KALRN: variants seen among roughly 807,000 people sequenced by gnomAD.
KALRN encodes kalirin RhoGEF kinase, also known as kalirin.
Under a neutral mutation model 353.7 loss-of-function variants are expected in KALRN, and 70 were observed. That is an observed-to-expected ratio of 0.20 (90% CI 0.16 to 0.24). The LOEUF (loss-of-function observed/expected upper bound fraction) is 0.24, where lower values mean the gene tolerates loss of function less well. KALRN is among the 10% of genes least tolerant of loss of function. The probability of loss-of-function intolerance (pLI) is 1.00; values close to 1 mark genes in which losing one functional copy is unlikely to be tolerated. For synonymous variants in KALRN, 1,391 were observed against 1,434.8 expected (o/e 0.97, Z 0.69); for missense variants, 2,791 against 3,756.7 (o/e 0.74, Z 6.72).
intron 1 of KALRN, among the ~76,000 whole-genome samples, chr3:124,226,758 T>C (rs550729384): frequency 6.6e-6 from 1 of 152,286 alleles, no homozygotes; most frequent in African/African-American, 2.4e-5. Context: ...GTTTAGAGAT[T>C]GAAGGATTGA....
At chr3:124,619,683 C>T (rs1387706151) in intron 34 of KALRN, among the ~76,000 whole-genome samples, 1 of 151,950 alleles carries the variant, frequency 6.6e-6, no homozygotes, top group Non-Finnish European at 1.5e-5. Flanking sequence ...GACAGGGTCT[C>T]ACCATGTTGT....
intron 7 of KALRN, among the ~76,000 whole-genome samples, chr3:124,327,033 T>TGGA (rs2079987131): frequency 6.6e-6 from 1 of 152,198 alleles, no homozygotes; most frequent in Non-Finnish European, 1.5e-5. Context: ...CCCAACTCCA[T>TGGA]GTTGGTGATG....
rs61386321 is a variant in KALRN, at chr3:124,455,455, C to G, written c.3735+96C>G. 3,245 of 1,269,934 alleles carry G rather than the reference C, an allele frequency of 2.6e-3. 63 individuals carry two copies. The African/African-American group carries it at 0.038, about 15-fold the overall frequency. 78.7% of individuals were successfully genotyped at this position (1,269,934 alleles called of 1,614,324 possible). ...ATGGAAGAAAAGCATGTTTCCAGAGCAGTTCTTCTGAGCTATTGACTCCTA... is the reference window on the plus strand; with the variant it reads ...ATGGAAGAAAAGCATGTTTCCAGAGGAGTTCTTCTGAGCTATTGACTCCTA... On this transcript the variant is annotated intron_variant, in intron 22 of 59. Transcript: ENST00000682506.
At chr3:124,214,691 G>A (rs1047682590) in intron 1 of KALRN, among the ~76,000 whole-genome samples, 31 of 152,192 alleles carry the variant, frequency 2.0e-4, no homozygotes, top group African/African-American at 7.5e-4. Context: ...TATTCTACAT[G>A]TAGCAAGCAG....
At chr3:124,239,455 T>C (rs980057450) in intron 3 of KALRN, among the ~76,000 whole-genome samples, 1 of 152,200 alleles carries the variant, frequency 6.6e-6, no homozygotes, top group Non-Finnish European at 1.5e-5. Flanking sequence ...TGACACTTAA[T>C]CTGCTCTTAG....
In KALRN at chr3:124,674,601, G is replaced by C; in HGVS notation, c.7180G>C (p.Asp2394His). The C allele has an allele frequency of 6.3e-7, 1 of 1,592,886 alleles. No homozygotes were observed. The highest frequency in any genetic ancestry group is 8.6e-7 in the Non-Finnish European group (1 of 1,166,636). The change falls in exon 49 of 60, where the codon GAC (aspartate) becomes CAC (histidine). Residue 2394 changes from aspartate to histidine, a missense_variant. Coordinates refer to ENST00000682506, the MANE Select transcript of KALRN (RefSeq NM_001388419.1). ...LTKATAAESS[D>H]GSIKKSCSWH... Reference sequence around the variant, plus strand: ...CAAAGCCACAGCAGCAGAAAGTAGTGACGGGAGCATCAAGTAAGTGCCTCG... The same window carrying C: ...CAAAGCCACAGCAGCAGAAAGTAGTCACGGGAGCATCAAGTAAGTGCCTCG...
intron 11 of KALRN, among the ~76,000 whole-genome samples, chr3:124,393,244 G>T (rs1331334657): frequency 6.6e-6 from 1 of 152,158 alleles, no homozygotes; most frequent in Non-Finnish European, 1.5e-5. Context: ...GGGATTGCAG[G>T]TGTGAACCAC....
chr3:124,636,055 C>T (rs1046641221), intron 36 of KALRN, among the ~76,000 whole-genome samples: 1 of 152,124 alleles, frequency 6.6e-6, no homozygotes, highest in African/African-American at 2.4e-5. Flanking sequence ...TGGACGTAAG[C>T]TTTTTCCTGC....
intron 34 of KALRN, among the ~76,000 whole-genome samples, chr3:124,590,205 A>C (rs1371799444): frequency 6.6e-6 from 1 of 152,182 alleles, no homozygotes; most frequent in Non-Finnish European, 1.5e-5. Flanking sequence ...AGTATCAATT[A>C]GTATCTGGAT....
intron 34 of KALRN, among the ~76,000 whole-genome samples, chr3:124,610,432 G>A (rs904804286): frequency 6.6e-6 from 1 of 152,154 alleles, no homozygotes; most frequent in Admixed American, 6.5e-5. Flanking sequence ...TTTAGGACTG[G>A]CTAGTTTGAG....
chr3:124,716,540 C>T (rs1282431428), intron 58 of KALRN, among the ~76,000 whole-genome samples: 1 of 151,864 alleles, frequency 6.6e-6, no homozygotes, highest in Non-Finnish European at 1.5e-5. Context: ...AACAAACAAA[C>T]AACAACAACA....
rs996492899 is a variant in KALRN at position 124,220,274 on chromosome 3, A to G, written c.74-7716A>G. On this transcript the variant is annotated intron_variant, in intron 1 of 59. Transcript: ENST00000682506. ...AGCTGTTTTAAGGAGAACTCTAAGG[A>G]ACATATTTATAGTCACTGGCGGCAT... 3.3e-5 allele frequency among the ~76,000 whole-genome samples: 5 copies of G among 152,048 alleles called. No homozygotes were observed. The East Asian group carries it at 5.8e-4, about 18-fold the overall frequency.
chr3:124,612,067 C>G (rs576682771), intron 34 of KALRN, among the ~76,000 whole-genome samples: 2 of 152,168 alleles, frequency 1.3e-5, no homozygotes, highest in South Asian at 2.1e-4. Context: ...TCTTGTAGCT[C>G]AGGCTGGAGG....
chr3:124,301,649 T>G (rs905600917), intron 6 of KALRN, among the ~76,000 whole-genome samples: 1 of 152,140 alleles, frequency 6.6e-6, no homozygotes, highest in African/African-American at 2.4e-5. Context: ...CCCAAGCAGG[T>G]GAAAAGAGGG....
intron 33 of KALRN, among the ~76,000 whole-genome samples, chr3:124,510,250 T>C (rs1360579713): frequency 6.6e-6 from 1 of 152,170 alleles, no homozygotes; most frequent in East Asian, 1.9e-4. Flanking sequence ...ACTGAATGGG[T>C]AGAATTTATC....
At chr3:124,416,730 G>A (rs570011181) in intron 14 of KALRN, among the ~76,000 whole-genome samples, 2 of 152,356 alleles carry the variant, frequency 1.3e-5, no homozygotes, top group Admixed American at 1.3e-4. Flanking sequence ...ATCCCCCAAT[G>A]GCTGAGGAAT....
intron 34 of KALRN, among the ~76,000 whole-genome samples, chr3:124,628,742 ATTTTTTTTTTTT>A (rs58523719): frequency 2.0e-5 from 2 of 100,096 alleles, no homozygotes. Flanking sequence ...CACCTGGCTA[ATTTTTTTTTTTT>A]TTTTTTTTTT....
chr3:124,536,581 G>C (rs550208368), intron 33 of KALRN, among the ~76,000 whole-genome samples: 1 of 152,276 alleles, frequency 6.6e-6, no homozygotes, highest in East Asian at 1.9e-4. Flanking sequence ...CCTCCACATT[G>C]TGTACTTACT....
intron 23 of KALRN, among the ~76,000 whole-genome samples, chr3:124,461,324 T>C (rs1207685609): frequency 1.3e-5 from 2 of 152,142 alleles, no homozygotes; most frequent in Non-Finnish European, 2.9e-5. Flanking sequence ...AGAGACCGAA[T>C]TGCCCACAGA....
Sources: allele counts gnomAD v4.1 joint callset (sites outside exome capture counted in the v4.1 genomes callset), GRCh38; gene constraint gnomAD v4.1.1; transcripts MANE v1.5; gene names NCBI Gene and HGNC (gene_info 2026-07-23, HGNC 2026-07-21).